DEPDC5: variants seen among roughly 807,000 people sequenced by gnomAD.
The protein encoded by DEPDC5 is DEP domain containing 5, GATOR1 subcomplex subunit.
A neutral mutation model predicts 217.3 loss-of-function variants in DEPDC5; 73 were observed. The ratio of observed to expected loss-of-function variants is 0.34; its 90% CI spans 0.28 to 0.41. The LOEUF (loss-of-function observed/expected upper bound fraction) is 0.41. Ranked by LOEUF, DEPDC5 falls within the 10% of genes least tolerant of loss-of-function variation. The pLI is 1.00. For synonymous variants in DEPDC5, 733 were observed against 756.7 expected (o/e 0.97, Z 0.51); for missense variants, 1,675 against 2,070.1 (o/e 0.81, Z 3.70).
At position 31,901,166 on chromosome 22, in the gene DEPDC5, C is replaced by A. The variant is rs1477522389; in HGVS notation, c.4376-576C>A. Among the ~76,000 whole-genome samples, 3 of 151,944 alleles carry A rather than the reference C, an allele frequency of 2.0e-5. No individual in the cohort carries two copies. The East Asian group carries it at 5.8e-4, about 30-fold the overall frequency. On this transcript the variant is annotated intron_variant, in intron 40 of 42. Transcript: ENST00000651528. ...GCTGAGGCATGAGAATCACTTGAAC[C>A]CGGCAGGCCGAGGTTGCAGTGAGCC...
chr22:31,906,527 T>A lies in DEPDC5; in HGVS notation c.*30T>A, dbSNP rs774132744. 1.9e-6 allele frequency: 3 copies of A among 1,557,062 alleles called. No individual in the cohort carries two copies. Among genetic ancestry groups the A allele is most frequent in the Non-Finnish European group, 2.6e-6 (3 of 1,135,822 alleles). On this transcript the variant is annotated 3_prime_UTR_variant, in exon 43 of 43. Transcript: ENST00000651528. The surrounding 1 kb of genome is among the most constrained non-coding windows in gnomAD (Gnocchi z 5.1). ...AGGCTGCACCTGTGCTGGGGGAAGG[T>A]GGGTGAGCCACTGCCCTCAAACCCG...
At chr22:31,798,211 C>T (rs2086473204) in intron 13 of DEPDC5, among the ~76,000 whole-genome samples, 14 of 152,122 alleles carry the variant, frequency 9.2e-5, no homozygotes, top group Admixed American at 9.2e-4. Flanking sequence ...GCATGAGCCA[C>T]CATGCTCAGC....
At chr22:31,830,292 A>G (rs77495354) in intron 24 of DEPDC5, among the ~76,000 whole-genome samples, 1 of 152,270 alleles carries the variant, frequency 6.6e-6, no homozygotes, top group East Asian at 1.9e-4. Flanking sequence ...GACAGAGCTG[A>G]GATGACTCTT....
chr22:31,773,866 G>C (rs894455972), intron 7 of DEPDC5, among the ~76,000 whole-genome samples: 31 of 152,240 alleles, frequency 2.0e-4, no homozygotes, highest in African/African-American at 6.3e-4. Context: ...GAGGTCAGGG[G>C]TTCATGACCA....
intron 12 of DEPDC5, among the ~76,000 whole-genome samples, chr22:31,794,921 G>A (rs1414191230): frequency 1.3e-5 from 2 of 151,976 alleles, no homozygotes; most frequent in Non-Finnish European, 2.9e-5. Context: ...AAGCACACCA[G>A]TATAGTTTAG....
intron 2 of DEPDC5, chr22:31,755,184 G>A (rs926170603): frequency 1.9e-6 from 1 of 526,566 alleles, no homozygotes; most frequent in Middle Eastern, 2.9e-4. Flanking sequence ...AAGGAACATT[G>A]TGAATGCTGC....
chr22:31,837,422 C>A (rs1204857407), intron 26 of DEPDC5: 1 of 473,180 alleles, frequency 2.1e-6, no homozygotes, highest in Admixed American at 3.8e-5. Context: ...ATGATCACAA[C>A]TCACTGCAGC....
At chr22:31,797,398 T>C (rs1034193195) in intron 12 of DEPDC5, among the ~76,000 whole-genome samples, 18 of 152,100 alleles carry the variant, frequency 1.2e-4, no homozygotes, top group African/African-American at 4.3e-4. Context: ...AAACTGCCCC[T>C]TTTAAACCAT....
intron 12 of DEPDC5, among the ~76,000 whole-genome samples, chr22:31,796,129 C>G (rs1483559897): frequency 2.9e-5 from 4 of 136,452 alleles, no homozygotes; most frequent in Non-Finnish European, 6.1e-5. Flanking sequence ...GAGGCGAAGT[C>G]TCGCTCTGTC....
chr22:31,881,291 C>CAAAAA (rs67347332), intron 38 of DEPDC5, among the ~76,000 whole-genome samples: 1 of 107,218 alleles, frequency 9.3e-6, no homozygotes, highest in Non-Finnish European at 2.0e-5. Flanking sequence ...CTCCATCTCT[C>CAAAAA]AAAAAAAAAA....
At chr22:31,789,137 T>A (rs142200196) in intron 10 of DEPDC5, among the ~76,000 whole-genome samples, 487 of 152,310 alleles carry the variant, frequency 3.2e-3, no homozygotes, top group Non-Finnish European at 5.2e-3. Flanking sequence ...CCTTAAGTGA[T>A]CTCCCCACCT....
At chr22:31,805,496 T>G (rs1422216157) in intron 17 of DEPDC5, among the ~76,000 whole-genome samples, 2 of 151,968 alleles carry the variant, frequency 1.3e-5, no homozygotes, top group African/African-American at 4.8e-5. Flanking sequence ...TGGGTTGTCT[T>G]TCTTTCTTTC....
intron 38 of DEPDC5, among the ~76,000 whole-genome samples, chr22:31,881,865 G>C (rs1419991842): frequency 6.6e-6 from 1 of 151,406 alleles, no homozygotes; most frequent in African/African-American, 2.4e-5. Flanking sequence ...AGAATCGCTT[G>C]AATCTGAGAG....
At chr22:31,844,976 C>T (rs2091639660) in intron 29 of DEPDC5, 42 bp from the exon 30 acceptor site, 1 of 1,603,678 alleles carries the variant, frequency 6.2e-7, no homozygotes, top group Non-Finnish European at 8.5e-7. Context: ...TTCATTATCT[C>T]CTTTCTCTCA....
At chr22:31,839,622 C>G (rs1046649794) in intron 27 of DEPDC5, among the ~76,000 whole-genome samples, 6 of 146,854 alleles carry the variant, frequency 4.1e-5, no homozygotes, top group Admixed American at 6.8e-5. Flanking sequence ...TTGGAGCATG[C>G]GGTCATCCAG....
intron 39 of DEPDC5, chr22:31,894,083 CA>C: frequency 5.9e-6 from 1 of 170,786 alleles, no homozygotes; most frequent in African/African-American, 2.4e-5. Flanking sequence ...GTGTGGTAAG[CA>C]AAATGTCCCC....
At chr22:31,897,349 A>G (rs754423939) in intron 39 of DEPDC5, 133 bp from the exon 40 acceptor site, 100 of 1,206,170 alleles carry the variant, frequency 8.3e-5, no homozygotes, top group Non-Finnish European at 1.1e-4. Context: ...ATTTGCAGCC[A>G]GCAAACATGA....
intron 37 of DEPDC5, among the ~76,000 whole-genome samples, chr22:31,876,854 G>A (rs963280382): frequency 1.3e-5 from 2 of 152,158 alleles, no homozygotes; most frequent in African/African-American, 2.4e-5. Flanking sequence ...AGGCACCCCA[G>A]ATTCAGACCA....
At position 31,849,710 on chromosome 22, in the gene DEPDC5, G is replaced by A. The variant is rs187644620; in HGVS notation, c.3155+2743G>A. On this transcript the variant is annotated intron_variant, in intron 31 of 42. Transcript: ENST00000651528. ...GCAGGAGTATTGCTGGAACCTGGGA[G>A]GCGGAGGTTGCAATGAGCTAAAATT... Among the ~76,000 whole-genome samples, 74 of 152,226 alleles carry A rather than the reference G, an allele frequency of 4.9e-4. No homozygotes were observed. The South Asian group carries it at 5.4e-3, about 11-fold the overall frequency.
Sources: allele counts gnomAD v4.1 joint callset (sites outside exome capture counted in the v4.1 genomes callset), GRCh38; gene constraint gnomAD v4.1.1; non-coding constraint Gnocchi (gnomAD v3.1); transcripts MANE v1.5; gene names NCBI Gene and HGNC (gene_info 2026-07-23, HGNC 2026-07-21).